Variants in RANGAP1 observed in about 807,000 individuals in gnomAD.
RANGAP1 encodes ran GTPase-activating protein 1.
Under a neutral mutation model 63.5 loss-of-function variants are expected in RANGAP1, and 38 were observed. That is an observed-to-expected ratio of 0.60 (90% CI 0.46 to 0.78). The LOEUF is 0.78. Among genes scored for constraint, RANGAP1 ranks in the 30% least tolerant of loss-of-function variants. The pLI, the probability that RANGAP1 is intolerant of heterozygous loss-of-function variation, is 0.00. For missense variants in RANGAP1, 630 were observed against 740.3 expected, an observed-to-expected ratio of 0.85 and a Z score of 1.73; for synonymous variants, 329 against 310.5, an observed-to-expected ratio of 1.06 and a Z score of -0.63.
In RANGAP1 at chr22:41,249,722, G is replaced by C; in HGVS notation, c.1572+7C>G. The C allele has an allele frequency of 6.2e-7, 1 of 1,610,724 alleles. No individual in the cohort carries two copies. The highest frequency in any genetic ancestry group is 8.5e-7 in the Non-Finnish European group (1 of 1,176,974). ...CCTCCCGGGCCTGCTGTTCCTTCCG[G>C]CCTCACCTTGAGCAGACCCATGTGC... On this transcript the variant is annotated splice_region_variant and intron_variant, in intron 14 of 15. Transcript: ENST00000356244.
upstream of RANGAP1, among the ~76,000 whole-genome samples, chr22:41,287,371 G>GGT (rs1555950518): frequency 2.0e-5 from 2 of 101,696 alleles, no homozygotes; most frequent in Non-Finnish European, 3.9e-5. Context: ...CACAAACAGC[G>GGT]TTTTTTTTTT....
chr22:41,271,871 TC>T (rs1488354809), intron 3 of RANGAP1, among the ~76,000 whole-genome samples: 6 of 152,170 alleles, frequency 3.9e-5, no homozygotes, highest in Non-Finnish European at 8.8e-5. Context: ...CACTGGGCCA[TC>T]AAGGGCAGAT....
chr22:41,280,953 T>C lies in RANGAP1; in HGVS notation c.92A>G (p.Lys31Arg), dbSNP rs1569211807. 6.2e-7 allele frequency: 1 copy of C among 1,614,060 alleles called. No homozygotes were observed. The highest frequency in any genetic ancestry group is 8.5e-7 in the Non-Finnish European group (1 of 1,180,036). The change falls in exon 2 of 16, where the codon AAA becomes AGA. Residue 31 changes from lysine (K) to arginine (R), a missense_variant. Lys to Arg is a conservative substitution (Grantham distance 26). Transcript: ENST00000356244. ...GQLSFKGKSL[K>R]LNTAEDAKDV... ...CTCACCATCTTCTGCAGTGTTGAGT[T>C]TGAGGCTCTTGCCTTTGAAACTCAG...
chr22:41,247,054 T>C (rs1273327592), intron 15 of RANGAP1, among the ~76,000 whole-genome samples: 1 of 152,062 alleles, frequency 6.6e-6, no homozygotes, highest in Admixed American at 6.5e-5. Context: ...TTTTTTTCTT[T>C]TTCTTTTTCT....
chr22:41,274,956 G>C (rs1424506909), intron 2 of RANGAP1, among the ~76,000 whole-genome samples: 1 of 152,036 alleles, frequency 6.6e-6, no homozygotes, highest in Non-Finnish European at 1.5e-5. Context: ...CTTGGGAGCC[G>C]AGGGAAAAGA....
chr22:41,266,151 G>A (rs559403114), intron 4 of RANGAP1, among the ~76,000 whole-genome samples: 71 of 149,628 alleles, frequency 4.7e-4, no homozygotes, highest in African/African-American at 1.7e-3. Flanking sequence ...GCAGTGAGCC[G>A]AGATCGTGCC....
At position 41,249,368 on chromosome 22, in the gene RANGAP1, G is replaced by A; in HGVS notation, c.1656C>T (p.Pro552=). ...LNHMVQQDYF[P]KALAPLLLAF... is the part of the protein sequence containing the mutation. ...CCAGCAGCAGGGGTGCAAGGGCCTTGGGGAAATAGTCCTGCTGCACCATGT... is the reference window on the plus strand; with the variant it reads ...CCAGCAGCAGGGGTGCAAGGGCCTTAGGGAAATAGTCCTGCTGCACCATGT... The change falls in exon 15 of 16, where the codon CCC becomes CCT. Residue 552 remains proline (P), a synonymous_variant. Coordinates refer to ENST00000356244, the MANE Select transcript of RANGAP1 (RefSeq NM_002883.4). The A allele has an allele frequency of 1.2e-6, 2 of 1,613,146 alleles. No homozygotes were observed. Among genetic ancestry groups the A allele is most frequent in the Non-Finnish European group, 1.7e-6 (2 of 1,179,548 alleles).
chr22:41,275,039 T>G (rs938923014), intron 2 of RANGAP1, among the ~76,000 whole-genome samples: 1 of 151,882 alleles, frequency 6.6e-6, no homozygotes, highest in African/African-American at 2.4e-5. Flanking sequence ...AGATGGGCAG[T>G]GTACCAGGCC....
the RANGAP1 span, among the ~76,000 whole-genome samples, chr22:41,291,903 A>AAAT: frequency 4.0e-5 from 6 of 150,948 alleles, no homozygotes; most frequent in Admixed American, 6.6e-5. Flanking sequence ...TCTGTCTCAA[A>AAAT]AATAATAATA....
At chr22:41,290,253 G>A (rs777958688), upstream of RANGAP1, among the ~76,000 whole-genome samples, 101 of 142,940 alleles carry the variant, frequency 7.1e-4, no homozygotes, top group Non-Finnish European at 1.3e-3. Flanking sequence ...TTTTTGAGAT[G>A]GAGTCTCACT....
rs1601604945 is a variant in RANGAP1 at position 41,254,476 on chromosome 22, C to T, written c.1092G>A (p.Glu364=). The change falls in exon 11 of 16, where the codon GAG becomes GAA. Residue 364 remains glutamate, a synonymous_variant. Transcript: ENST00000356244. ...CTTCCTCTTCTCCTTCCTCCTCCTC[C>T]TCCTCGTCCTCGTCATCACTGCAGA... The part of the protein sequence containing the change: ...LASLSDDEDE[E]EEEEGEEEEE... 1 of 1,597,696 alleles carries T rather than the reference C, an allele frequency of 6.3e-7. No homozygotes were observed. The highest frequency in any genetic ancestry group is 1.3e-5 in the African/African-American group (1 of 74,882).
rs1205492723 is a variant in RANGAP1, at chr22:41,274,731, C to T, written c.113-4G>A. On this transcript the variant is annotated splice_region_variant and splice_polypyrimidine_tract_variant and intron_variant, in intron 2 of 15. Coordinates refer to ENST00000356244, the MANE Select transcript of RANGAP1 (RefSeq NM_002883.4). ...ATCTCTTTAATCACATCTTTAGCTGCCAGGGACCAAAGAGCAGAACCTTAG... is the reference window on the plus strand; with the variant it reads ...ATCTCTTTAATCACATCTTTAGCTGTCAGGGACCAAAGAGCAGAACCTTAG... 1.9e-6 allele frequency: 3 copies of T among 1,613,728 alleles called. No individual in the cohort carries two copies. The East Asian group carries it at 6.7e-5, about 36-fold the overall frequency.
chr22:41,284,709 T>C (rs2035668666), intron 1 of RANGAP1, among the ~76,000 whole-genome samples: 1 of 151,872 alleles, frequency 6.6e-6, no homozygotes, highest in African/African-American at 2.4e-5. Flanking sequence ...CTGTCTCCAC[T>C]AAAAATACAA....
chr22:41,266,888 C>CTTTTTT lies in RANGAP1; in HGVS notation c.300+1203_300+1208dup, dbSNP rs139523. On this transcript the variant is annotated intron_variant, in intron 4 of 15. Transcript: ENST00000356244. ...ACATGCAATCACTGAAATGAATTTC[C>CTTTTTT]TTTTTTTTTTGAGACGGAGTCTTGC... Among the ~76,000 whole-genome samples the CTTTTTT allele has an allele frequency of 1.5e-4, 20 of 137,118 alleles. 2 individuals carry two copies. Among genetic ancestry groups the CTTTTTT allele is most frequent in the South Asian group, 2.3e-4 (1 of 4,434 alleles). The allele number at this position is 137,118 out of a possible 152,430, so 90.0% of individuals were successfully genotyped here. A position where few individuals can be genotyped will look rare whatever the true frequency, so the allele number is the denominator to read the frequency against.
At chr22:41,288,692 A>G (rs370736857), upstream of RANGAP1, among the ~76,000 whole-genome samples, 13 of 151,930 alleles carry the variant, frequency 8.6e-5, no homozygotes, top group East Asian at 1.9e-4. Context: ...CTGATAGGAC[A>G]TTGGGTTTTC....
At chr22:41,249,538 T>C (rs1196715400) in intron 14 of RANGAP1, 87 bp from the exon 15 acceptor site, 45 of 1,581,152 alleles carry the variant, frequency 2.8e-5, no homozygotes, top group Non-Finnish European at 3.5e-5. Flanking sequence ...CTGCTGATAG[T>C]GCCCACAACT....
chr22:41,278,467 A>C (rs2035289748), intron 2 of RANGAP1, among the ~76,000 whole-genome samples: 1 of 152,262 alleles, frequency 6.6e-6, no homozygotes, highest in South Asian at 2.1e-4. Flanking sequence ...GATTTTGTGA[A>C]GATAAACTGA....
chr22:41,249,683 A>T (rs1247424683), intron 14 of RANGAP1, 46 bp downstream of exon 14: 1 of 1,572,816 alleles, frequency 6.4e-7, no homozygotes. Flanking sequence ...TTCTGTGCAG[A>T]CCCCACCCAC....
At chr22:41,271,762 C>G (rs1432985512) in intron 3 of RANGAP1, among the ~76,000 whole-genome samples, 1 of 152,140 alleles carries the variant, frequency 6.6e-6, no homozygotes, top group Non-Finnish European at 1.5e-5. Flanking sequence ...TTGTGTGACT[C>G]TGGGCTACAC....
Sources: allele counts gnomAD v4.1 joint callset (sites outside exome capture counted in the v4.1 genomes callset), GRCh38; gene constraint gnomAD v4.1.1; transcripts MANE v1.5; gene names NCBI Gene and HGNC (gene_info 2026-07-23, HGNC 2026-07-21).